The following DUT variants were observed in gnomAD, a reference collection of about 807,000 sequenced individuals.
DUT encodes the protein deoxyuridine 5'-triphosphate nucleotidohydrolase, mitochondrial.
DUT carries 21 observed loss-of-function variants against 28.8 expected under a neutral mutation model. That is an observed-to-expected ratio of 0.73 (90% CI 0.52 to 1.05). DUT has a LOEUF of 1.05. Among genes scored for constraint, DUT ranks in the 50% least tolerant of loss-of-function variants. DUT has a pLI of 0.00. For synonymous variants in DUT, 147 were observed against 143.7 expected (o/e 1.02, Z -0.17); for missense variants, 344 against 351.8 (o/e 0.98, Z 0.18).
At chr15:48,339,126 GAGA>G (rs2042504451) in intron 4 of DUT, among the ~76,000 whole-genome samples, 1 of 151,956 alleles carries the variant, frequency 6.6e-6, no homozygotes, top group South Asian at 2.1e-4. Context: ...AAAAAAGAAA[GAGA>G]AGGAGAGAGA....
At chr15:48,341,047 T>A (rs1212543352) in intron 4 of DUT, 1 of 343,196 alleles carries the variant, frequency 2.9e-6, no homozygotes, top group African/African-American at 2.1e-5. Flanking sequence ...AAATAGGAAA[T>A]GGTCGCCATT....
upstream of DUT, chr15:48,331,151 T>G (rs973100699): frequency 7.5e-7 from 1 of 1,341,332 alleles, no homozygotes; most frequent in Non-Finnish European, 9.7e-7. Flanking sequence ...GCCGCTAAAC[T>G]CAGAGCCCGG....
At position 48,331,561 on chromosome 15, in the gene DUT, A is replaced by C. The variant is rs1425853986; in HGVS notation, c.46A>C (p.Thr16Pro). The stretch of plus-strand genomic sequence containing the variant: ...CCCCGCGCTCTGCTACCATTTCCTT[A>C]CGTCTCTGCTTCGCTCAGCGATGCA... ...PRPALCYHFL[T>P]SLLRSAMQNA... The change falls in exon 1 of 7, where the codon ACG (threonine) becomes CCG (proline). Residue 16 changes from threonine to proline, a missense_variant. By Grantham distance (38) the Thr-to-Pro change is conservative. Transcript: ENST00000331200. 1.2e-6 allele frequency: 2 copies of C among 1,609,556 alleles called. No individual in the cohort carries two copies. The highest frequency in any genetic ancestry group is 2.2e-5 in the South Asian group (2 of 90,480).
upstream of DUT, chr15:48,331,323 G>C (rs927667467): frequency 7.3e-5 from 105 of 1,441,896 alleles, no homozygotes; most frequent in Non-Finnish European, 8.9e-5. Flanking sequence ...GACGCCAACG[G>C]CGCCGTCTTC....
rs1376953710 is a variant in DUT at position 48,341,537 on chromosome 15, A to G, written c.654A>G (p.Ala218=). ...KFEVKKGDRI[A]QLICERIFYP... ...AAGTCAAAAAAGGTGATCGAATTGCACAGCTCATTTGCGAACGGATTTTTT... is the reference window on the plus strand; with the variant it reads ...AAGTCAAAAAAGGTGATCGAATTGCGCAGCTCATTTGCGAACGGATTTTTT... Residue 218 remains alanine, a synonymous_variant, in exon 6 of 7, where the codon GCA becomes GCG. Coordinates refer to ENST00000331200, the MANE Select transcript of DUT (RefSeq NM_001025248.2). 1 of 1,613,092 alleles carries G rather than the reference A, an allele frequency of 6.2e-7. No individual in the cohort carries two copies. The highest frequency in any genetic ancestry group is 8.5e-7 in the Non-Finnish European group (1 of 1,179,506).
At chr15:48,334,352 CAA>C in intron 2 of DUT, 63 bp from the exon 3 acceptor site, 1 of 1,151,390 alleles carries the variant, frequency 8.7e-7, no homozygotes, top group Non-Finnish European at 1.2e-6. Flanking sequence ...TGCTTGGTCA[CAA>C]AGAAAATATA....
At position 48,336,084 on chromosome 15, in the gene DUT, G is replaced by A. The variant is rs1377482095; in HGVS notation, c.550G>A (p.Val184Ile). 2 of 1,599,692 alleles carry A rather than the reference G, an allele frequency of 1.3e-6. No individual in the cohort carries two copies. Among genetic ancestry groups the A allele is most frequent in the Non-Finnish European group, 1.7e-6 (2 of 1,176,452 alleles). The change falls in exon 4 of 7, where the codon GTA becomes ATA. Residue 184 changes from valine to isoleucine, a missense_variant. Physicochemically the swap from Val to Ile is conservative, Grantham distance 29. Coordinates refer to ENST00000331200, the MANE Select transcript of DUT (RefSeq NM_001025248.2). The part of the protein sequence containing the change: ...SGLAAKHFID[V>I]GAGVIDEDYR... ...CTTGGCTGCAAAACACTTTATTGAT[G>A]TAGGAGGTAATATATTTCCTTTTTT...
chr15:48,342,936 A>C lies in DUT; in HGVS notation c.*858A>C, dbSNP rs1003987949. ...GTCTCACATACATAAGCAGCATTTC[A>C]TTGCAGATATGGGACTGATTCTGTG... On this transcript the variant is annotated 3_prime_UTR_variant, in exon 7 of 7. Transcript: ENST00000331200. 6.6e-6 allele frequency: 1 copy of C among 152,252 alleles called. No homozygotes were observed. The highest frequency in any genetic ancestry group is 1.5e-5 in the Non-Finnish European group (1 of 68,040). 9.4% of individuals were successfully genotyped at this position (152,252 alleles called of 1,614,324 possible).
chr15:48,339,587 A>G (rs932831887), intron 4 of DUT, among the ~76,000 whole-genome samples: 3 of 152,120 alleles, frequency 2.0e-5, no homozygotes, highest in African/African-American at 7.2e-5. Context: ...TTTCATCTTT[A>G]TATCAAATTT....
intron 2 of DUT, 43 bp from the exon 3 acceptor site, chr15:48,334,374 T>G: frequency 7.5e-7 from 1 of 1,331,338 alleles, no homozygotes; most frequent in Non-Finnish European, 1.0e-6. Context: ...AAAAACAATT[T>G]TATAAATAGA....
Position 48,334,458 on chromosome 15 carries a change from T to C in DUT, c.461T>C (p.Val154Ala). The change falls in exon 3 of 7, where the codon GTG (valine) becomes GCG (alanine). Residue 154 changes from valine to alanine, a missense_variant. By Grantham distance (64) the Val-to-Ala change is moderately conservative (BLOSUM62 0). Coordinates refer to ENST00000331200, the MANE Select transcript of DUT (RefSeq NM_001025248.2). Reference protein sequence around the residue: ...YTIPPMEKAVVKTDIQIALPS... With the variant: ...YTIPPMEKAVAKTDIQIALPS... ...ATACCACCTATGGAGAAAGCTGTTG[T>C]GAAAACGGACATTCAGATAGCGCTC... 6.2e-7 allele frequency: 1 copy of C among 1,611,964 alleles called. No individual in the cohort carries two copies. The highest frequency in any genetic ancestry group is 8.5e-7 in the Non-Finnish European group (1 of 1,178,616).
Position 48,331,435 on chromosome 15 carries a change from A to T in DUT, c.-81A>T. The T allele has an allele frequency of 1.9e-6, 3 of 1,575,696 alleles. No individual in the cohort carries two copies. In the South Asian group the frequency reaches 3.5e-5, roughly 18 times the overall value. ...CGACTGCTTCCGAGGTCATGTTCCC[A>T]GGACGGGCGCGTCTTCAGGGTGGAA... On this transcript the variant is annotated 5_prime_UTR_variant, in exon 1 of 7. Coordinates refer to ENST00000331200, the MANE Select transcript of DUT (RefSeq NM_001025248.2).
chr15:48,331,763 C>A lies in DUT; in HGVS notation c.248C>A (p.Pro83His). The A allele has an allele frequency of 7.1e-7, 1 of 1,403,816 alleles. No individual in the cohort carries two copies. Among genetic ancestry groups the A allele is most frequent in the South Asian group, 1.6e-5 (1 of 64,444 alleles). The allele number at this position is 1,403,816 out of a possible 1,614,324, so 87.0% of individuals were successfully genotyped here. Residue 83 changes from proline to histidine, a missense_variant, in exon 1 of 7, where the codon CCT (proline) becomes CAT (histidine). Transcript: ENST00000331200. The part of the protein sequence containing the change: ...VGAAGWKGEL[P>H]KAGGSPAPGP... ...GCCGCTGGCTGGAAGGGCGAGCTTCCTAAGGCGGGGGGAAGCCCGGCGCCG... is the reference window on the plus strand; with the variant it reads ...GCCGCTGGCTGGAAGGGCGAGCTTCATAAGGCGGGGGGAAGCCCGGCGCCG...
rs1305647127 is a variant in DUT at position 48,332,348 on chromosome 15, G to C, written c.361G>C (p.Glu121Gln). 6.2e-7 allele frequency: 1 copy of C among 1,605,364 alleles called. No individual in the cohort carries two copies. Among genetic ancestry groups the C allele is most frequent in the Non-Finnish European group, 8.5e-7 (1 of 1,177,068 alleles). Residue 121 changes from glutamate (E) to glutamine (Q), a missense_variant, in exon 2 of 7, where the codon GAG (glutamate) becomes CAG (glutamine). Glu to Gln is a conservative substitution (Grantham distance 29). Coordinates refer to ENST00000331200, the MANE Select transcript of DUT (RefSeq NM_001025248.2). ...GCAGCTCCGCTTTGCCCGGCTCTCC[G>C]AGCACGCCACGGCCCCCACCCGGGG... The part of the protein sequence containing the change: ...GMQLRFARLS[E>Q]HATAPTRGSA...
In DUT at chr15:48,342,380, A is replaced by AAT. The variant is rs949752097; in HGVS notation, c.*303_*304dup. 1.1e-5 allele frequency: 2 copies of AAT among 180,106 alleles called. No individual in the cohort carries two copies. The highest frequency in any genetic ancestry group is 4.7e-5 in the African/African-American group (2 of 42,530). The allele number at this position is 180,106 out of a possible 1,614,324, so 11.2% of individuals were successfully genotyped here. ...CAGTGTCTTCTTAAAATCAAATGTA[A>AAT]ATCAATTACAGATTAAAAAAAAAAG... On this transcript the variant is annotated 3_prime_UTR_variant, in exon 7 of 7. Coordinates refer to ENST00000331200, the MANE Select transcript of DUT (RefSeq NM_001025248.2).
At chr15:48,332,581 C>A in intron 2 of DUT, 175 bp downstream of exon 2, 1 of 713,220 alleles carries the variant, frequency 1.4e-6, no homozygotes. Context: ...GAGATTTGGG[C>A]AAAGACTGCA....
upstream of DUT, chr15:48,331,104 G>A: frequency 3.3e-6 from 4 of 1,200,106 alleles, no homozygotes; most frequent in Admixed American, 4.2e-5. Context: ...CGCAATAACT[G>A]TCACCGGCGC....
intron 3 of DUT, 43 bp from the exon 4 acceptor site, chr15:48,336,003 C>T: frequency 6.4e-7 from 1 of 1,552,670 alleles, no homozygotes. Context: ...TGATATAGCC[C>T]TTCCCCCTTA....
chr15:48,331,339 GCC>G (rs28381098), upstream of DUT: 13,773 of 1,446,530 alleles, frequency 9.5e-3, 226 homozygotes, highest in Admixed American at 0.064. Flanking sequence ...TCTTCCTGGG[GCC>G]CCAGGGCCTG....
Sources: allele counts gnomAD v4.1 joint callset (sites outside exome capture counted in the v4.1 genomes callset), GRCh38; gene constraint gnomAD v4.1.1; transcripts MANE v1.5; gene names NCBI Gene and HGNC (gene_info 2026-07-23, HGNC 2026-07-21).